ELOVL6: variants seen among roughly 807,000 people sequenced by gnomAD.
The protein encoded by ELOVL6 is ELOVL fatty acid elongase 6.
A neutral mutation model predicts 31.7 loss-of-function variants in ELOVL6; 8 were observed. The ratio of observed to expected loss-of-function variants is 0.25; its 90% confidence interval spans 0.15 to 0.45. ELOVL6 has a LOEUF of 0.45. Ranked by LOEUF, ELOVL6 falls within the 20% of genes least tolerant of loss-of-function variation. ELOVL6 has a pLI of 1.00. For synonymous variants in ELOVL6, 101 were observed against 117.7 expected, an observed-to-expected ratio of 0.86 and a Z score of 0.92; for missense variants, 126 against 326.4, an observed-to-expected ratio of 0.39 and a Z score of 4.73.
At chr4:110,099,133 G>T (rs968712488) in intron 2 of ELOVL6, among the ~76,000 whole-genome samples, 3 of 151,848 alleles carry the variant, frequency 2.0e-5, no homozygotes, top group African/African-American at 7.3e-5. Context: ...ATACTTGTTG[G>T]CTTTAGAAAT....
intron 1 of ELOVL6, among the ~76,000 whole-genome samples, chr4:110,197,178 G>A (rs1759831618): frequency 6.6e-6 from 1 of 152,228 alleles, no homozygotes; most frequent in Non-Finnish European, 1.5e-5. Flanking sequence ...CGGGCTGCCG[G>A]CCCCTTGCCT....
intron 1 of ELOVL6, among the ~76,000 whole-genome samples, chr4:110,184,675 A>G (rs1759388874): frequency 6.6e-6 from 1 of 152,208 alleles, no homozygotes; most frequent in Non-Finnish European, 1.5e-5. Context: ...ATGAACCGAG[A>G]AAAAGGGAAC....
chr4:110,123,468 G>T (rs888511386), intron 1 of ELOVL6, among the ~76,000 whole-genome samples: 5 of 152,150 alleles, frequency 3.3e-5, no homozygotes, highest in Non-Finnish European at 7.3e-5. Context: ...GTGGATGGAG[G>T]TTACAAGCCT....
chr4:110,171,599 A>T (rs1758947356), intron 1 of ELOVL6, among the ~76,000 whole-genome samples: 1 of 149,302 alleles, frequency 6.7e-6, no homozygotes, highest in African/African-American at 2.4e-5. Context: ...TGGTGCACGT[A>T]GGGAGGACGT....
At chr4:110,112,053 A>T (rs1024929883) in intron 1 of ELOVL6, among the ~76,000 whole-genome samples, 1 of 152,262 alleles carries the variant, frequency 6.6e-6, no homozygotes, top group South Asian at 2.1e-4. Flanking sequence ...ATCATGTCCC[A>T]TGGGTGAGAG....
intron 1 of ELOVL6, among the ~76,000 whole-genome samples, chr4:110,108,404 A>G (rs1756945932): frequency 6.6e-6 from 1 of 152,188 alleles, no homozygotes; most frequent in Admixed American, 6.5e-5. Flanking sequence ...AATCTTCCCT[A>G]TGTATTTTTT....
At chr4:110,165,999 GCCT>G (rs1758762972) in intron 1 of ELOVL6, among the ~76,000 whole-genome samples, 2 of 152,058 alleles carry the variant, frequency 1.3e-5, no homozygotes, top group South Asian at 4.1e-4. Flanking sequence ...CAATACATCT[GCCT>G]CCTCTGTCAG....
At chr4:110,120,798 CTTTTTTTTT>C (rs1008949209) in intron 1 of ELOVL6, among the ~76,000 whole-genome samples, 6 of 117,872 alleles carry the variant, frequency 5.1e-5, no homozygotes, top group Admixed American at 2.0e-4. Flanking sequence ...TTTTTCTTTT[CTTTTTTTTT>C]TTTTTTTTTT....
intron 1 of ELOVL6, among the ~76,000 whole-genome samples, chr4:110,187,445 G>GA (rs745927007): frequency 2.5e-3 from 318 of 128,524 alleles, no homozygotes; most frequent in Non-Finnish European, 2.4e-3. Flanking sequence ...TCAGCAAAAT[G>GA]AAAAAAAAAA....
intron 1 of ELOVL6, among the ~76,000 whole-genome samples, chr4:110,164,916 A>G (rs192847694): frequency 6.6e-6 from 1 of 151,930 alleles, no homozygotes; most frequent in Non-Finnish European, 1.5e-5. Context: ...ACAGCTCACT[A>G]CAACCTCTGC....
chr4:110,140,998 T>A (rs957845096), intron 1 of ELOVL6, among the ~76,000 whole-genome samples: 2 of 152,028 alleles, frequency 1.3e-5, no homozygotes, highest in African/African-American at 4.8e-5. Context: ...TGTTGAGAAA[T>A]GACACTTCTC....
intron 2 of ELOVL6, among the ~76,000 whole-genome samples, chr4:110,080,720 T>C (rs568405081): frequency 2.0e-5 from 3 of 151,864 alleles, no homozygotes; most frequent in African/African-American, 7.2e-5. Context: ...CTATTCAACA[T>C]AGTGTTGGAA....
intron 2 of ELOVL6, among the ~76,000 whole-genome samples, chr4:110,084,426 C>CATATATCATATATGATATATCACATATG (rs372760198): frequency 1.5e-5 from 1 of 67,498 alleles, no homozygotes; most frequent in South Asian, 4.7e-4. Context: ...TGATATATCA[C>CATATATCATATATGATATATCACATATG]ATATATCATA....
At chr4:110,186,405 G>A (rs1759441590) in intron 1 of ELOVL6, among the ~76,000 whole-genome samples, 1 of 152,024 alleles carries the variant, frequency 6.6e-6, no homozygotes, top group Non-Finnish European at 1.5e-5. Flanking sequence ...ACAACACTGA[G>A]AAGCAGTGTG....
At chr4:110,062,550 G>A (rs901838975) in intron 2 of ELOVL6, among the ~76,000 whole-genome samples, 3 of 152,180 alleles carry the variant, frequency 2.0e-5, no homozygotes, top group Non-Finnish European at 4.4e-5. Flanking sequence ...GTGTCACATC[G>A]TGACACTTTA....
At chr4:110,149,964 A>G (rs1270908461) in intron 1 of ELOVL6, among the ~76,000 whole-genome samples, 10 of 152,234 alleles carry the variant, frequency 6.6e-5, no homozygotes, top group Non-Finnish European at 2.9e-5. Context: ...TAAAACAAGT[A>G]CATCATGTAG....
chr4:110,165,645 A>C (rs916298660), intron 1 of ELOVL6, among the ~76,000 whole-genome samples: 2 of 152,194 alleles, frequency 1.3e-5, no homozygotes, highest in Non-Finnish European at 2.9e-5. Context: ...GGGCGGTTCT[A>C]ATCTCATCTG....
intron 2 of ELOVL6, among the ~76,000 whole-genome samples, chr4:110,088,807 G>A (rs1756340430): frequency 1.3e-5 from 2 of 152,140 alleles, no homozygotes; most frequent in South Asian, 2.1e-4. Context: ...GCTTGATAAA[G>A]GAAGGATTCA....
intron 2 of ELOVL6, among the ~76,000 whole-genome samples, chr4:110,084,023 A>T (rs1364371767): frequency 4.4e-5 from 3 of 68,736 alleles, no homozygotes; most frequent in African/African-American, 1.6e-4. Flanking sequence ...TATATAACAT[A>T]TGCCATATAT....
Sources: allele counts gnomAD v4.1 joint callset (sites outside exome capture counted in the v4.1 genomes callset), GRCh38; gene constraint gnomAD v4.1.1; transcripts MANE v1.5; gene names NCBI Gene and HGNC (gene_info 2026-07-23, HGNC 2026-07-21).